Variants in TSACC observed in about 807,000 individuals in gnomAD.
TSACC encodes the protein TSSK6 activating cochaperone.
TSACC carries 3 observed loss-of-function variants against 6.9 expected under a neutral mutation model. That is an observed-to-expected ratio of 0.43 (90% CI 0.20 to 1.12). The LOEUF is 1.12. TSACC is among the 50% of genes most tolerant of loss of function. The pLI, the probability that TSACC is intolerant of heterozygous loss-of-function variation, is 0.28. For synonymous variants in TSACC, 54 were observed against 55.1 expected, an observed-to-expected ratio of 0.98 and a Z score of 0.09; for missense variants, 137 against 143.9, an observed-to-expected ratio of 0.95 and a Z score of 0.24.
chr1:156,344,276 A>G (rs1430007765), intron 2 of TSACC, among the ~76,000 whole-genome samples: 1 of 152,136 alleles, frequency 6.6e-6, no homozygotes, highest in Non-Finnish European at 1.5e-5. Context: ...TCCTAACTAG[A>G]TACTAAGCAT....
Position 156,338,562 on chromosome 1 carries a change from C to T in TSACC, c.-168C>T. 2.8e-6 allele frequency: 1 copy of T among 357,422 alleles called. No individual in the cohort carries two copies. The highest frequency in any genetic ancestry group is 5.2e-6 in the Non-Finnish European group (1 of 191,560). 22.1% of individuals were successfully genotyped at this position (357,422 alleles called of 1,614,324 possible). A position where few individuals can be genotyped will look rare whatever the true frequency, so the allele number is the denominator to read the frequency against. ...ACACCACTACGCATGTGTGTCAACT[C>T]TAGGGTTGGGTGCTGGGGTTGCGGC... On this transcript the variant is annotated 5_prime_UTR_variant, in exon 1 of 4. Coordinates refer to ENST00000368254, the MANE Select transcript of TSACC (RefSeq NM_001304817.2).
In TSACC at chr1:156,342,445, C is replaced by G. The variant is rs374794523; in HGVS notation, c.35-2135C>G. On this transcript the variant is annotated intron_variant, in intron 2 of 3. Coordinates refer to ENST00000368254, the MANE Select transcript of TSACC (RefSeq NM_001304817.2). Reference sequence around the variant, plus strand: ...CAGTGACCTTCCAGACAGAAAGCATCTCACCCTGGCACCCACATATAAGCA... The same window carrying G: ...CAGTGACCTTCCAGACAGAAAGCATGTCACCCTGGCACCCACATATAAGCA... Among the ~76,000 whole-genome samples the G allele has an allele frequency of 1.1e-4, 16 of 152,358 alleles. No individual in the cohort carries two copies. In the South Asian group the frequency reaches 3.1e-3, roughly 30 times the overall value.
intron 3 of TSACC, among the ~76,000 whole-genome samples, chr1:156,345,100 G>C (rs1019248800): frequency 6.6e-6 from 1 of 152,190 alleles, no homozygotes; most frequent in Non-Finnish European, 1.5e-5. Flanking sequence ...ATCTTCCCTT[G>C]GGGAGGTCAG....
At chr1:156,344,939 G>A (rs2101716698) in intron 3 of TSACC, among the ~76,000 whole-genome samples, 1 of 152,356 alleles carries the variant, frequency 6.6e-6, no homozygotes, top group Middle Eastern at 3.4e-3. Flanking sequence ...CTAGGCAGGA[G>A]TGAAGTGAAC....
chr1:156,339,736 C>T lies in TSACC; in HGVS notation c.-22C>T. ...TCTGATGCTATGATTCTTTCCCAGG[C>T]ACCACACCTGTTGGTGTTCAGATGG... On this transcript the variant is annotated 5_prime_UTR_variant, in exon 2 of 4. Coordinates refer to ENST00000368254, the MANE Select transcript of TSACC (RefSeq NM_001304817.2). The T allele has an allele frequency of 6.2e-7, 1 of 1,613,940 alleles. No homozygotes were observed. The highest frequency in any genetic ancestry group is 2.2e-5 in the East Asian group (1 of 44,878).
At chr1:156,338,736 G>C (rs1392270097) in intron 1 of TSACC, 131 bp downstream of exon 1, 1 of 155,368 alleles carries the variant, frequency 6.4e-6, no homozygotes, top group Non-Finnish European at 1.4e-5. Context: ...ACTCCAGCCA[G>C]CACATGGGGG....
upstream of TSACC, chr1:156,338,209 C>G: frequency 6.3e-7 from 1 of 1,581,692 alleles, no homozygotes; most frequent in Non-Finnish European, 8.6e-7. Flanking sequence ...GAGCCGGGTA[C>G]CCAGAGCTGG....
At chr1:156,343,898 G>A (rs370104700) in intron 2 of TSACC, among the ~76,000 whole-genome samples, 9 of 152,076 alleles carry the variant, frequency 5.9e-5, no homozygotes, top group Admixed American at 5.9e-4. Context: ...CTGCCACCAC[G>A]CCCGGCTAGT....
At chr1:156,338,216 C>G (rs541158900), upstream of TSACC, 2 of 1,576,802 alleles carry the variant, frequency 1.3e-6, no homozygotes, top group South Asian at 1.2e-5. Context: ...GTACCCAGAG[C>G]TGGGGGAACC....
chr1:156,344,362 G>C (rs1666051392), intron 2 of TSACC, among the ~76,000 whole-genome samples: 1 of 152,144 alleles, frequency 6.6e-6, no homozygotes, highest in African/African-American at 2.4e-5. Flanking sequence ...GTGTATATCA[G>C]TAAGAACTTG....
At chr1:156,338,244 AG>A (rs1170673074), upstream of TSACC, 9 of 1,535,330 alleles carry the variant, frequency 5.9e-6, no homozygotes, top group Non-Finnish European at 8.0e-6. Flanking sequence ...CCTTCTGGAG[AG>A]AGAGAACCAG....
chr1:156,340,946 C>T (rs1401056474), intron 2 of TSACC, among the ~76,000 whole-genome samples: 1 of 152,142 alleles, frequency 6.6e-6, no homozygotes, highest in Non-Finnish European at 1.5e-5. Context: ...TCTTGTGCCT[C>T]AGCCACCCAA....
intron 3 of TSACC, 24 bp from the exon 4 acceptor site, chr1:156,346,744 C>T (rs756471657): frequency 6.2e-7 from 1 of 1,609,486 alleles, no homozygotes; most frequent in East Asian, 2.2e-5. Context: ...TTCCCTTGCA[C>T]CTCCGTTGCT....
upstream of TSACC, among the ~76,000 whole-genome samples, chr1:156,337,964 T>C (rs1401169564): frequency 2.6e-5 from 4 of 151,894 alleles, no homozygotes; most frequent in Non-Finnish European, 5.9e-5. Context: ...TAAGGCCAGT[T>C]TGAGTTTGTG....
chr1:156,342,353 A>C (rs1255389036), intron 2 of TSACC, among the ~76,000 whole-genome samples: 1 of 152,176 alleles, frequency 6.6e-6, no homozygotes, highest in Admixed American at 6.5e-5. Context: ...GAAAAAAACC[A>C]AAACCAAAAA....
At chr1:156,341,566 C>A (rs1665884707) in intron 2 of TSACC, among the ~76,000 whole-genome samples, 1 of 152,114 alleles carries the variant, frequency 6.6e-6, no homozygotes, top group African/African-American at 2.4e-5. Context: ...TGTAAAGCAC[C>A]TTTTATTATC....
chr1:156,340,154 C>T (rs1665781281), intron 2 of TSACC, among the ~76,000 whole-genome samples: 1 of 152,230 alleles, frequency 6.6e-6, no homozygotes, highest in African/African-American at 2.4e-5. Context: ...ATTCCATAGC[C>T]TGGACATAAT....
chr1:156,339,479 G>T (rs1032121374), intron 1 of TSACC, among the ~76,000 whole-genome samples, 155 bp from the exon 2 acceptor site: 1 of 152,084 alleles, frequency 6.6e-6, no homozygotes, highest in African/African-American at 2.4e-5. Flanking sequence ...TTTAAGGTTT[G>T]GGTTTGGTTA....
intron 2 of TSACC, among the ~76,000 whole-genome samples, chr1:156,342,720 CTAA>C (rs1466123755): frequency 1.3e-5 from 2 of 152,204 alleles, no homozygotes; most frequent in African/African-American, 4.8e-5. Flanking sequence ...GCTTGATCAC[CTAA>C]TGCCTGTCTG....
Sources: gnomAD v4.1 joint callset for allele counts (sites outside exome capture counted in the v4.1 genomes callset) on GRCh38, gnomAD v4.1.1 for gene constraint, MANE v1.5 for transcripts, NCBI Gene and HGNC (gene_info 2026-07-23, HGNC 2026-07-21) for gene names.